Variants in ACOXL observed in about 807,000 individuals in gnomAD.
The protein encoded by ACOXL is acyl-coenzyme A oxidase-like protein.
A neutral mutation model predicts 71.9 loss-of-function variants in ACOXL; 70 were observed. That is an observed-to-expected ratio of 0.97 (90% CI 0.80 to 1.19). ACOXL has a LOEUF of 1.19. Ranked by LOEUF, ACOXL falls within the 50% of genes most tolerant of loss-of-function variation. The pLI, the probability that ACOXL is intolerant of heterozygous loss-of-function variation, is 0.00. For synonymous variants in ACOXL, 253 were observed against 281.6 expected (o/e 0.90, Z 1.02); for missense variants, 703 against 736.3 (o/e 0.95, Z 0.52).
intron 1 of ACOXL, among the ~76,000 whole-genome samples, chr2:110,740,784 C>T (rs1257669038): frequency 6.6e-6 from 1 of 152,198 alleles, no homozygotes; most frequent in African/African-American, 2.4e-5. Context: ...GTGGGGAATC[C>T]ACTGGCCCTG....
At chr2:110,831,111 A>G (rs1689775533) in intron 9 of ACOXL, among the ~76,000 whole-genome samples, 1 of 152,188 alleles carries the variant, frequency 6.6e-6, no homozygotes, top group South Asian at 2.1e-4. Context: ...TTCTTAATCA[A>G]CACAGTTCTG....
intron 15 of ACOXL, among the ~76,000 whole-genome samples, chr2:111,036,007 A>T (rs1173090638): frequency 6.6e-6 from 1 of 152,274 alleles, no homozygotes; most frequent in Non-Finnish European, 1.5e-5. Context: ...ACAAAATGCC[A>T]CAACATCAGC....
intron 16 of ACOXL, among the ~76,000 whole-genome samples, chr2:111,053,510 T>A (rs997793123): frequency 6.6e-6 from 1 of 151,908 alleles, no homozygotes; most frequent in Non-Finnish European, 1.5e-5. Flanking sequence ...TCTCCCTCAA[T>A]CACATGGTTT....
intron 17 of ACOXL, among the ~76,000 whole-genome samples, chr2:111,110,826 C>G (rs909651002): frequency 2.6e-5 from 4 of 152,190 alleles, no homozygotes; most frequent in Non-Finnish European, 4.4e-5. Flanking sequence ...GAGCAAAATT[C>G]TCTTGAATCT....
At chr2:110,812,791 C>T (rs140167903) in intron 9 of ACOXL, among the ~76,000 whole-genome samples, 17 of 152,338 alleles carry the variant, frequency 1.1e-4, no homozygotes, top group African/African-American at 3.6e-4. Context: ...ACGTGTTGTA[C>T]GCCTTCCTCT....
intron 11 of ACOXL, 122 bp from the exon 12 acceptor site, chr2:110,933,367 C>T (rs2060548283): frequency 8.1e-7 from 1 of 1,233,634 alleles, no homozygotes; most frequent in Non-Finnish European, 1.1e-6. Flanking sequence ...AGTTTAAAAT[C>T]TGCATCACTG....
chr2:110,923,663 G>T (rs2060162996), intron 11 of ACOXL, among the ~76,000 whole-genome samples: 1 of 152,168 alleles, frequency 6.6e-6, no homozygotes, highest in Non-Finnish European at 1.5e-5. Context: ...GCCTGGTGTG[G>T]TGGCTCATGC....
rs971071642 is a variant in ACOXL, at chr2:110,816,823, C to T, written c.753+11428C>T. ...AATCTTTTACTCCAGCAATACAGACCTGGTTGCAGCTCCTCAAACAGGCCA... is the reference window on the plus strand; with the variant it reads ...AATCTTTTACTCCAGCAATACAGACTTGGTTGCAGCTCCTCAAACAGGCCA... On this transcript the variant is annotated intron_variant, in intron 9 of 17. Transcript: ENST00000439055. Among the ~76,000 whole-genome samples, 7 of 152,298 alleles carry T rather than the reference C, an allele frequency of 4.6e-5. No individual in the cohort carries two copies. The East Asian group carries it at 1.2e-3, about 25-fold the overall frequency.
At chr2:110,824,396 G>A (rs923961925) in intron 9 of ACOXL, among the ~76,000 whole-genome samples, 3 of 152,112 alleles carry the variant, frequency 2.0e-5, no homozygotes, top group Non-Finnish European at 4.4e-5. Context: ...ATAACTTGGT[G>A]GGAACTTGAT....
intron 14 of ACOXL, among the ~76,000 whole-genome samples, chr2:111,027,350 T>A (rs2065061506): frequency 6.6e-6 from 1 of 150,752 alleles, no homozygotes. Context: ...GAGACAGAGT[T>A]TCACTCTGTC....
At chr2:110,845,896 T>G (rs1415801030) in intron 10 of ACOXL, among the ~76,000 whole-genome samples, 1 of 152,214 alleles carries the variant, frequency 6.6e-6, no homozygotes, top group Non-Finnish European at 1.5e-5. Context: ...TGAATTTGGA[T>G]GTACAAATAT....
intron 9 of ACOXL, among the ~76,000 whole-genome samples, chr2:110,822,257 A>T (rs967401176): frequency 6.6e-6 from 1 of 152,120 alleles, no homozygotes; most frequent in Non-Finnish European, 1.5e-5. Flanking sequence ...ATTTGTATCT[A>T]TGTTAAGCTA....
intron 3 of ACOXL, among the ~76,000 whole-genome samples, chr2:110,790,289 T>G (rs570950087): frequency 4.6e-5 from 7 of 152,178 alleles, no homozygotes; most frequent in Non-Finnish European, 1.0e-4. Context: ...CAGATTTCCC[T>G]TCCACTTCAG....
rs188856771 is a variant in ACOXL, at chr2:110,966,713, T to A, written c.1060-20395T>A. Reference sequence around the variant, plus strand: ...CAGGAGTCAGTAAGCAGTGGAGCCTTCACCTCATCCAGCATCAATGAGGCA... The same window carrying A: ...CAGGAGTCAGTAAGCAGTGGAGCCTACACCTCATCCAGCATCAATGAGGCA... On this transcript the variant is annotated intron_variant, in intron 12 of 17. Transcript: ENST00000439055. Among the ~76,000 whole-genome samples the A allele has an allele frequency of 9.4e-3, 1,439 of 152,318 alleles. 9 individuals carry two copies. Among genetic ancestry groups the A allele is most frequent in the South Asian group, 0.027 (129 of 4,826 alleles).
chr2:111,107,083 C>T (rs930393585), intron 17 of ACOXL, among the ~76,000 whole-genome samples: 8 of 152,168 alleles, frequency 5.3e-5, no homozygotes, highest in African/African-American at 1.9e-4. Context: ...CTCACTATAG[C>T]GTGTTGTGGC....
chr2:110,767,700 ACTCC>A (rs1350670598), intron 1 of ACOXL, among the ~76,000 whole-genome samples: 2 of 151,936 alleles, frequency 1.3e-5, no homozygotes, highest in African/African-American at 4.8e-5. Flanking sequence ...CACGCATGTC[ACTCC>A]CTTGCCCCTA....
chr2:110,879,054 TAAA>T (rs201244854), intron 10 of ACOXL, among the ~76,000 whole-genome samples: 1 of 136,864 alleles, frequency 7.3e-6, no homozygotes, highest in Non-Finnish European at 1.6e-5. Flanking sequence ...GAGGCTCCGT[TAAA>T]AAAAAAAAAA....
chr2:110,791,879 C>T (rs1437675232), intron 3 of ACOXL, among the ~76,000 whole-genome samples: 3 of 152,152 alleles, frequency 2.0e-5, no homozygotes, highest in African/African-American at 7.2e-5. Context: ...TTATTGGCTG[C>T]TGTAATTCAG....
At chr2:110,941,584 A>G (rs1288459150) in intron 12 of ACOXL, among the ~76,000 whole-genome samples, 1 of 152,166 alleles carries the variant, frequency 6.6e-6, no homozygotes, top group East Asian at 1.9e-4. Context: ...CTCCTATATC[A>G]TTATGTGTAA....
Sources: allele counts gnomAD v4.1 joint callset (sites outside exome capture counted in the v4.1 genomes callset), GRCh38; gene constraint gnomAD v4.1.1; transcripts MANE v1.5; gene names NCBI Gene and HGNC (gene_info 2026-07-23, HGNC 2026-07-21).